The following RREB1 variants were observed in gnomAD, a reference collection of about 807,000 sequenced individuals.
The protein encoded by RREB1 is ras-responsive element-binding protein 1.
In RREB1, 27 loss-of-function variants were observed where a neutral mutation model predicts 117.8. The ratio of observed to expected loss-of-function variants is 0.23; its 90% CI spans 0.17 to 0.32. The LOEUF (loss-of-function observed/expected upper bound fraction) is 0.32, where lower values mean the gene tolerates loss of function less well. Among genes scored for constraint, RREB1 ranks in the 10% least tolerant of loss-of-function variants. The pLI, the probability that RREB1 is intolerant of heterozygous loss-of-function variation, is 1.00. For synonymous variants in RREB1, 1,298 were observed against 1,026.7 expected, an observed-to-expected ratio of 1.26 and a Z score of -5.05; for missense variants, 2,577 against 2,378.2, an observed-to-expected ratio of 1.08 and a Z score of -1.74.
At chr6:7,221,108 G>A (rs979279450) in intron 8 of RREB1, among the ~76,000 whole-genome samples, 4 of 152,096 alleles carry the variant, frequency 2.6e-5, no homozygotes, top group African/African-American at 9.7e-5. Flanking sequence ...TTCCACACTG[G>A]TTTTATTTAA....
chr6:7,126,290 G>A lies in RREB1; in HGVS notation c.-285+18230G>A, dbSNP rs576393305. On this transcript the variant is annotated intron_variant, in intron 1 of 12. Coordinates refer to ENST00000379938, the MANE Select transcript of RREB1 (RefSeq NM_001003699.4). Reference sequence around the variant, plus strand: ...GCTGGGATTACAGGCGTGAGCCACTGCGCCCGGCCTCGATTCCCCCCCGAC... The same window carrying A: ...GCTGGGATTACAGGCGTGAGCCACTACGCCCGGCCTCGATTCCCCCCCGAC... Among the ~76,000 whole-genome samples the A allele has an allele frequency of 2.5e-3, 377 of 151,910 alleles. 2 individuals are homozygous for A. The highest frequency in any genetic ancestry group is 3.9e-3 in the Admixed American group (59 of 15,244).
intron 1 of RREB1, among the ~76,000 whole-genome samples, chr6:7,148,200 T>C (rs1762958970): frequency 6.6e-6 from 1 of 152,164 alleles, no homozygotes; most frequent in Non-Finnish European, 1.5e-5. Flanking sequence ...CCATTGATCC[T>C]TTAGGCCTGC....
intron 1 of RREB1, among the ~76,000 whole-genome samples, chr6:7,143,404 G>A (rs574845255): frequency 4.6e-5 from 7 of 152,198 alleles, no homozygotes; most frequent in Non-Finnish European, 8.8e-5. Flanking sequence ...GAGACTATGC[G>A]TTTTGTGGTG....
At chr6:7,234,341 C>T (rs975096927) in intron 10 of RREB1, among the ~76,000 whole-genome samples, 12 of 152,166 alleles carry the variant, frequency 7.9e-5, no homozygotes, top group African/African-American at 2.4e-4. Flanking sequence ...TGATGATTGG[C>T]TTGGCTCGCC....
intron 12 of RREB1, 59 bp downstream of exon 12, chr6:7,247,280 C>A: frequency 6.7e-7 from 1 of 1,492,772 alleles, no homozygotes. Flanking sequence ...GGCACCTCTC[C>A]TAGGAGCTCC....
chr6:7,112,038 C>T (rs1209281784), intron 1 of RREB1, among the ~76,000 whole-genome samples: 1 of 152,172 alleles, frequency 6.6e-6, no homozygotes, highest in African/African-American at 2.4e-5. Flanking sequence ...ACTGAGATTA[C>T]CATTCCCTTA....
At chr6:7,243,938 A>C (rs1283816729) in intron 11 of RREB1, among the ~76,000 whole-genome samples, 1 of 151,872 alleles carries the variant, frequency 6.6e-6, no homozygotes, top group Non-Finnish European at 1.5e-5. Context: ...CTGGGGACAA[A>C]GGGGAAGTAA....
At chr6:7,211,732 C>T (rs1244494463) in intron 8 of RREB1, 23 bp downstream of exon 8, 3 of 1,611,206 alleles carry the variant, frequency 1.9e-6, no homozygotes, top group South Asian at 2.2e-5. Context: ...GTGAACTAGA[C>T]CTTGTTCATT....
rs573520501 is a variant in RREB1 at position 7,185,524 on chromosome 6, C to T, written c.172-1910C>T. On this transcript the variant is annotated intron_variant, in intron 4 of 12. Transcript: ENST00000379938. ...GGCGGAGGTTGCAGTGAGCCAAGAT[C>T]GTGCCACTGTACTCCAGCCTGGGCA... Among the ~76,000 whole-genome samples the T allele has an allele frequency of 1.4e-3, 210 of 151,934 alleles. 5 individuals are homozygous for T. The highest frequency in any genetic ancestry group is 4.6e-3 in the African/African-American group (191 of 41,404).
chr6:7,212,427 T>C (rs1175110086), intron 8 of RREB1: 1 of 152,250 alleles, frequency 6.6e-6, no homozygotes, highest in Non-Finnish European at 1.5e-5. Flanking sequence ...CCTTCTCTGA[T>C]AACTCATCAG....
At chr6:7,165,957 C>T (rs758716410) in intron 1 of RREB1, among the ~76,000 whole-genome samples, 10 of 152,172 alleles carry the variant, frequency 6.6e-5, no homozygotes, top group Non-Finnish European at 4.4e-5. Flanking sequence ...TGGGCATGTT[C>T]AGTGCCCTGT....
intron 1 of RREB1, among the ~76,000 whole-genome samples, chr6:7,174,523 C>T (rs1764405817): frequency 6.6e-6 from 1 of 152,106 alleles, no homozygotes; most frequent in Non-Finnish European, 1.5e-5. Context: ...GGGGAGGCAG[C>T]AGATCTAAAT....
At chr6:7,173,218 T>C (rs760939562) in intron 1 of RREB1, among the ~76,000 whole-genome samples, 53 of 152,248 alleles carry the variant, frequency 3.5e-4, no homozygotes, top group South Asian at 1.7e-3. Flanking sequence ...TCTAAACTTA[T>C]TCCACATTTC....
At position 7,181,143 on chromosome 6, in the gene RREB1, G is replaced by C. The variant is rs953557265; in HGVS notation, c.-146G>C. On this transcript the variant is annotated 5_prime_UTR_variant, in exon 3 of 13. Coordinates refer to ENST00000379938, the MANE Select transcript of RREB1 (RefSeq NM_001003699.4). Reference sequence around the variant, plus strand: ...TTCCAGTGTCAACGAGTACTACCAAGAGAAGAAGACAAGAGGTCAACACAG... The same window carrying C: ...TTCCAGTGTCAACGAGTACTACCAACAGAAGAAGACAAGAGGTCAACACAG... The C allele has an allele frequency of 7.5e-6, 3 of 398,454 alleles. No individual in the cohort carries two copies. Among genetic ancestry groups the C allele is most frequent in the Non-Finnish European group, 1.3e-5 (3 of 226,058 alleles). The allele number at this position is 398,454 out of a possible 1,614,324, so 24.7% of individuals were successfully genotyped here.
chr6:7,232,394 C>G (rs1055330808), intron 10 of RREB1, among the ~76,000 whole-genome samples: 1 of 152,138 alleles, frequency 6.6e-6, no homozygotes, highest in South Asian at 2.1e-4. Context: ...GATGCCATGT[C>G]TTCTTAAAGA....
At chr6:7,170,031 C>G (rs889925303) in intron 1 of RREB1, among the ~76,000 whole-genome samples, 1 of 152,210 alleles carries the variant, frequency 6.6e-6, no homozygotes, top group Non-Finnish European at 1.5e-5. Flanking sequence ...ACCTATTACT[C>G]TGCATTAAGC....
intron 1 of RREB1, among the ~76,000 whole-genome samples, chr6:7,155,711 G>A (rs1215245345): frequency 1.3e-5 from 2 of 152,270 alleles, no homozygotes; most frequent in African/African-American, 4.8e-5. Context: ...AGAGTTAGAT[G>A]TGATTTAATC....
At chr6:7,223,224 T>C (rs1168210497) in intron 8 of RREB1, among the ~76,000 whole-genome samples, 2 of 140,654 alleles carry the variant, frequency 1.4e-5, no homozygotes, top group African/African-American at 2.7e-5. Flanking sequence ...GCCACTGCAC[T>C]GCAGCCTGGG....
chr6:7,123,908 G>A lies in RREB1; in HGVS notation c.-285+15848G>A, dbSNP rs11243144. Among the ~76,000 whole-genome samples, 689 of 152,180 alleles carry A rather than the reference G, an allele frequency of 4.5e-3. 5 individuals are homozygous for A. The highest frequency in any genetic ancestry group is 0.016 in the African/African-American group (651 of 41,506). On this transcript the variant is annotated intron_variant, in intron 1 of 12. Coordinates refer to ENST00000379938, the MANE Select transcript of RREB1 (RefSeq NM_001003699.4). ...TTACAGGTGTGAGCCACCGCGCCCG[G>A]CCTCATGTGATGTGTCTTAAGGGTA...
Sources: gnomAD v4.1 joint callset for allele counts (sites outside exome capture counted in the v4.1 genomes callset) on GRCh38, gnomAD v4.1.1 for gene constraint, MANE v1.5 for transcripts, NCBI Gene and HGNC (gene_info 2026-07-23, HGNC 2026-07-21) for gene names.